MDFIC: variants seen among roughly 807,000 people sequenced by gnomAD.
The protein encoded by MDFIC is MyoD family inhibitor domain containing.
Under a neutral mutation model 23.2 loss-of-function variants are expected in MDFIC, and 17 were observed. The ratio of observed to expected loss-of-function variants is 0.73; its 90% CI spans 0.50 to 1.10. The LOEUF (loss-of-function observed/expected upper bound fraction) is 1.10, where lower values mean the gene tolerates loss of function less well. Among genes scored for constraint, MDFIC ranks in the 50% least tolerant of loss-of-function variants. MDFIC has a pLI of 0.00. For missense variants in MDFIC, 356 were observed against 316.6 expected, an observed-to-expected ratio of 1.12 and a Z score of -0.95; for synonymous variants, 120 against 115.2, an observed-to-expected ratio of 1.04 and a Z score of -0.27.
Position 114,950,747 on chromosome 7 carries a change from A to T in MDFIC, c.217+8350A>T, listed in dbSNP as rs150583347. ...AAGTGCTATAATCAGAAAAGGCTGC[A>T]TAAAAATTGCCATATATAACAGCTG... is the stretch of plus-strand genomic sequence containing the variant. On this transcript the variant is annotated intron_variant, in intron 3 of 4. Coordinates refer to ENST00000393486, the MANE Select transcript of MDFIC (RefSeq NM_001166345.3). 1.6e-3 allele frequency among the ~76,000 whole-genome samples: 247 copies of T among 152,334 alleles called. 3 individuals carry two copies. The highest frequency in any genetic ancestry group is 5.7e-3 in the African/African-American group (236 of 41,586).
chr7:115,016,019 C>A lies in MDFIC; in HGVS notation c.*84C>A. On this transcript the variant is annotated 3_prime_UTR_variant, in exon 5 of 5. Transcript: ENST00000393486. ...GAAGAAAAGCACATTGTAAGATTCT[C>A]ATGAAACAACATGGAATTTGCACTG... is the stretch of plus-strand genomic sequence containing the variant. The A allele has an allele frequency of 7.4e-7, 1 of 1,349,004 alleles. No homozygotes were observed. The highest frequency in any genetic ancestry group is 1.0e-6 in the Non-Finnish European group (1 of 986,716). The allele number at this position is 1,349,004 out of a possible 1,614,324, so 83.6% of individuals were successfully genotyped here. A position where few individuals can be genotyped will look rare whatever the true frequency, so the allele number is the denominator to read the frequency against.
intron 3 of MDFIC, among the ~76,000 whole-genome samples, chr7:114,946,982 T>C (rs929359309): frequency 1.3e-5 from 2 of 152,240 alleles, no homozygotes; most frequent in African/African-American, 2.4e-5. Context: ...TCAGGTGTGC[T>C]ATTTATATAC....
chr7:114,984,080 A>T (rs1212472062), intron 4 of MDFIC, among the ~76,000 whole-genome samples: 1 of 152,106 alleles, frequency 6.6e-6, no homozygotes, highest in Admixed American at 6.5e-5. Flanking sequence ...CATGTTCCTA[A>T]CCTCTGTGCT....
At chr7:115,012,875 A>G (rs975972581) in intron 4 of MDFIC, among the ~76,000 whole-genome samples, 14 of 152,136 alleles carry the variant, frequency 9.2e-5, no homozygotes, top group Admixed American at 5.2e-4. Context: ...GCTACTGGGG[A>G]GGCTGAGGCA....
chr7:114,962,171 T>G (rs779298787), intron 3 of MDFIC, among the ~76,000 whole-genome samples: 1 of 152,158 alleles, frequency 6.6e-6, no homozygotes, highest in Non-Finnish European at 1.5e-5. Flanking sequence ...AATTTAAAGA[T>G]AGCGAAGGTG....
intron 4 of MDFIC, among the ~76,000 whole-genome samples, chr7:114,992,112 A>G (rs1791181896): frequency 6.6e-6 from 1 of 152,166 alleles, no homozygotes; most frequent in Non-Finnish European, 1.5e-5. Context: ...CTTTGAAGCA[A>G]TTGTGAATGG....
At chr7:114,944,814 A>C (rs1792614058) in intron 3 of MDFIC, among the ~76,000 whole-genome samples, 1 of 152,154 alleles carries the variant, frequency 6.6e-6, no homozygotes, top group Non-Finnish European at 1.5e-5. Flanking sequence ...GCTTCATGGG[A>C]GGAGGGGAAC....
At chr7:114,933,232 A>T (rs1186118585) in intron 2 of MDFIC, among the ~76,000 whole-genome samples, 1 of 151,522 alleles carries the variant, frequency 6.6e-6, no homozygotes, top group Admixed American at 6.6e-5. Flanking sequence ...TAAAAAGGGG[A>T]AGATGATAGA....
intron 4 of MDFIC, chr7:115,014,399 T>G: frequency 7.8e-7 from 1 of 1,289,244 alleles, no homozygotes; most frequent in Middle Eastern, 2.1e-4. Flanking sequence ...AGCGCATGAT[T>G]TTTTATTATA....
At chr7:114,977,793 A>G (rs1313654191) in intron 3 of MDFIC, among the ~76,000 whole-genome samples, 2 of 151,146 alleles carry the variant, frequency 1.3e-5, no homozygotes, top group Non-Finnish European at 2.9e-5. Context: ...TTTTATATAT[A>G]GGCATTTAAT....
At chr7:115,006,659 GA>G (rs747078628) in intron 4 of MDFIC, among the ~76,000 whole-genome samples, 5 of 152,172 alleles carry the variant, frequency 3.3e-5, no homozygotes, top group Non-Finnish European at 5.9e-5. Flanking sequence ...ATTTGGGAGA[GA>G]TTTTTTGGGT....
At chr7:114,949,242 T>C (rs1377073706) in intron 3 of MDFIC, among the ~76,000 whole-genome samples, 2 of 152,200 alleles carry the variant, frequency 1.3e-5, no homozygotes, top group East Asian at 1.9e-4. Flanking sequence ...TGGGTCATTA[T>C]TGGGGGAAAT....
chr7:114,937,864 A>C (rs895532071), intron 2 of MDFIC, among the ~76,000 whole-genome samples: 1 of 152,228 alleles, frequency 6.6e-6, no homozygotes, highest in Middle Eastern at 3.4e-3. Flanking sequence ...TACTATTTTT[A>C]ATGCATCTTA....
intron 2 of MDFIC, among the ~76,000 whole-genome samples, chr7:114,929,923 T>C (rs1426205090): frequency 6.6e-6 from 1 of 152,086 alleles, no homozygotes; most frequent in Non-Finnish European, 1.5e-5. Context: ...AATATTCCTC[T>C]TTGAGATGGA....
intron 3 of MDFIC, among the ~76,000 whole-genome samples, chr7:114,954,304 T>C (rs930496633): frequency 1.3e-5 from 2 of 152,250 alleles, no homozygotes; most frequent in African/African-American, 4.8e-5. Flanking sequence ...TCTTATCCGC[T>C]TCTTGTCTTC....
chr7:114,927,420 C>A (rs1001640585), intron 2 of MDFIC, among the ~76,000 whole-genome samples: 2 of 149,962 alleles, frequency 1.3e-5, no homozygotes, highest in African/African-American at 4.9e-5. Flanking sequence ...TCCATGTAAA[C>A]TCTCTAATAA....
At chr7:114,986,236 C>T (rs1171305233) in intron 4 of MDFIC, among the ~76,000 whole-genome samples, 2 of 151,890 alleles carry the variant, frequency 1.3e-5, no homozygotes, top group Non-Finnish European at 2.9e-5. Flanking sequence ...AGGTCTATGA[C>T]CTTTCTTTGT....
intron 4 of MDFIC, among the ~76,000 whole-genome samples, chr7:114,986,781 G>A (rs1793522743): frequency 6.6e-6 from 1 of 152,048 alleles, no homozygotes; most frequent in African/African-American, 2.4e-5. Flanking sequence ...CCTTTTTTGG[G>A]TCTCCCACAG....
chr7:114,929,931 G>A (rs994203126), intron 2 of MDFIC, among the ~76,000 whole-genome samples: 15 of 152,148 alleles, frequency 9.9e-5, no homozygotes, highest in African/African-American at 2.7e-4. Context: ...TCTTTGAGAT[G>A]GAGGTGGGAG....
Sources: allele counts gnomAD v4.1 joint callset (sites outside exome capture counted in the v4.1 genomes callset), GRCh38; gene constraint gnomAD v4.1.1; transcripts MANE v1.5; gene names NCBI Gene and HGNC (gene_info 2026-07-23, HGNC 2026-07-21).